UBXN11: variants seen among roughly 807,000 people sequenced by gnomAD.
UBXN11 encodes UBX domain-containing protein 11.
In UBXN11, 47 loss-of-function variants were observed where a neutral mutation model predicts 62.8. The ratio of observed to expected loss-of-function variants is 0.75; its 90% CI spans 0.59 to 0.95. The LOEUF is 0.95. Among genes scored for constraint, UBXN11 ranks in the 40% least tolerant of loss-of-function variants. UBXN11 has a pLI of 0.00. For synonymous variants in UBXN11, 294 were observed against 267.0 expected, an observed-to-expected ratio of 1.10 and a Z score of -0.99; for missense variants, 638 against 661.7, an observed-to-expected ratio of 0.96 and a Z score of 0.39.
intron 7 of UBXN11, among the ~76,000 whole-genome samples, chr1:26,295,498 G>A (rs142116912): frequency 6.4e-4 from 98 of 152,190 alleles, no homozygotes; most frequent in African/African-American, 2.0e-3. Context: ...AACCACGGGC[G>A]GCTCCAATGT....
chr1:26,304,336 GT>G (rs2124673198), intron 1 of UBXN11, among the ~76,000 whole-genome samples: 1 of 152,302 alleles, frequency 6.6e-6, no homozygotes, highest in East Asian at 1.9e-4. Context: ...AGCCTCACGG[GT>G]TGTATGGCCA....
chr1:26,289,608 A>T (rs2073210697), intron 8 of UBXN11, among the ~76,000 whole-genome samples: 1 of 152,134 alleles, frequency 6.6e-6, no homozygotes, highest in Non-Finnish European at 1.5e-5. Flanking sequence ...GGCCCTGCCC[A>T]TCATGGCGAT....
chr1:26,293,862 C>G (rs2073331425), intron 8 of UBXN11, among the ~76,000 whole-genome samples: 1 of 150,870 alleles, frequency 6.6e-6, no homozygotes, highest in Non-Finnish European at 1.5e-5. Context: ...AGAAGGATTG[C>G]CTTTTTTTAA....
chr1:26,307,023 C>G (rs551481322), upstream of UBXN11: 2 of 152,314 alleles, frequency 1.3e-5, no homozygotes, highest in East Asian at 3.9e-4. Flanking sequence ...TATTGTAACA[C>G]GAAGTACTGT....
Position 26,285,412 on chromosome 1 carries a change from C to A in UBXN11, c.852+52G>T, listed in dbSNP as rs763333577. On this transcript the variant is annotated intron_variant, in intron 10 of 14. Coordinates refer to ENST00000374222, the MANE Select transcript of UBXN11 (RefSeq NM_001389556.1). Reference sequence around the variant, plus strand: ...GGAGGTGTCTGGGGAGGCTGTGTATCCCCACTCCCTTCAAAATCCCCAAAG... The same window carrying A: ...GGAGGTGTCTGGGGAGGCTGTGTATACCCACTCCCTTCAAAATCCCCAAAG... The A allele has an allele frequency of 6.3e-6, 10 of 1,587,492 alleles. No individual in the cohort carries two copies. In the East Asian group the frequency reaches 2.3e-4, roughly 36 times the overall value.
intron 7 of UBXN11, 115 bp from the exon 8 acceptor site, chr1:26,294,446 G>A (rs2073347687): frequency 6.9e-7 from 1 of 1,456,636 alleles, no homozygotes; most frequent in African/African-American, 1.4e-5. Context: ...CCCCAGAGCT[G>A]ACCAGACAAA....
intron 8 of UBXN11, among the ~76,000 whole-genome samples, chr1:26,293,471 T>C (rs1234617192): frequency 6.6e-6 from 1 of 152,030 alleles, no homozygotes; most frequent in Non-Finnish European, 1.5e-5. Context: ...CTCACACCTG[T>C]AATCCCAGCA....
At chr1:26,302,598 G>T (rs1218693577) in intron 2 of UBXN11, among the ~76,000 whole-genome samples, 1 of 152,120 alleles carries the variant, frequency 6.6e-6, no homozygotes, top group Non-Finnish European at 1.5e-5. Flanking sequence ...CTCCTACAGG[G>T]CCCATACCTT....
At chr1:26,289,208 A>G (rs540745410) in intron 8 of UBXN11, among the ~76,000 whole-genome samples, 25 of 152,282 alleles carry the variant, frequency 1.6e-4, no homozygotes, top group Non-Finnish European at 2.9e-4. Flanking sequence ...CCTCTTCTGT[A>G]CAATGAGGAC....
chr1:26,297,624 C>T (rs2073425658), intron 5 of UBXN11, 143 bp from the exon 6 acceptor site: 3 of 1,040,652 alleles, frequency 2.9e-6, no homozygotes, highest in South Asian at 1.7e-5. Context: ...TTCTCCCGGA[C>T]CTCAGATAAC....
At chr1:26,304,310 C>G (rs748521095) in intron 1 of UBXN11, among the ~76,000 whole-genome samples, 3 of 152,200 alleles carry the variant, frequency 2.0e-5, no homozygotes, top group African/African-American at 7.2e-5. Flanking sequence ...TGCCCCAGCC[C>G]CTGCCCTGTC....
upstream of UBXN11, among the ~76,000 whole-genome samples, chr1:26,307,963 T>C (rs2073698263): frequency 6.6e-6 from 1 of 151,914 alleles, no homozygotes; most frequent in Admixed American, 6.6e-5. Context: ...TACCAGATGG[T>C]AACATGAAAT....
intron 5 of UBXN11, among the ~76,000 whole-genome samples, chr1:26,297,757 C>T (rs1474006695): frequency 6.6e-6 from 1 of 152,226 alleles, no homozygotes; most frequent in Non-Finnish European, 1.5e-5. Flanking sequence ...CTGGGTCCTG[C>T]TCAGCTGAGG....
chr1:26,318,026 C>T (rs2124684453), intron 1 of UBXN11: 1 of 1,614,160 alleles, frequency 6.2e-7, no homozygotes, highest in Non-Finnish European at 8.5e-7. Context: ...AAATGAAGCG[C>T]TTCCTCTTCC....
chr1:26,306,911 T>G (rs945551294), upstream of UBXN11: 2 of 144,848 alleles, frequency 1.4e-5, no homozygotes, highest in African/African-American at 5.1e-5. Flanking sequence ...GCTGGCAGCC[T>G]CACATTCAGG....
chr1:26,297,113 GC>G (rs1334962719), intron 6 of UBXN11, 118 bp from the exon 7 acceptor site: 5 of 1,214,068 alleles, frequency 4.1e-6, no homozygotes, highest in Non-Finnish European at 5.8e-6. Context: ...CTGCCTCTTG[GC>G]CCCCCACCTC....
chr1:26,285,861 C>T lies in UBXN11; in HGVS notation c.736G>A (p.Asp246Asn), dbSNP rs1437631876. The change falls in exon 9 of 15, where the codon GAC (aspartate) becomes AAC (asparagine). Residue 246 changes from aspartate to asparagine, a missense_variant. Transcript: ENST00000374222. ...KLYRNGIMMFDGPFQPFYDPS... is the reference protein window; with the variant it reads ...KLYRNGIMMFNGPFQPFYDPS... ...TCGTAGAAGGGCTGGAAGGGCCCGT[C>T]GAACATCATGATGCCATTCCGGTAG... 3.1e-6 allele frequency: 5 copies of T among 1,611,424 alleles called. No homozygotes were observed. Among genetic ancestry groups the T allele is most frequent in the South Asian group, 1.1e-5 (1 of 90,984 alleles).
At chr1:26,302,362 T>TAAAAAAAAAAAAA (rs56003085) in intron 2 of UBXN11, among the ~76,000 whole-genome samples, 1 of 69,562 alleles carries the variant, frequency 1.4e-5, no homozygotes, top group Non-Finnish European at 2.6e-5. Flanking sequence ...ACTTGGTCTT[T>TAAAAAAAAAAAAA]AAAAAAAAAA....
intron 1 of UBXN11, among the ~76,000 whole-genome samples, chr1:26,303,485 G>A (rs772448698): frequency 6.6e-6 from 1 of 151,968 alleles, no homozygotes; most frequent in African/African-American, 2.4e-5. Context: ...TTAGCTGGGC[G>A]TGGTGGCGTG....
Sources: allele counts gnomAD v4.1 joint callset (sites outside exome capture counted in the v4.1 genomes callset), GRCh38; gene constraint gnomAD v4.1.1; transcripts MANE v1.5; gene names NCBI Gene and HGNC (gene_info 2026-07-23, HGNC 2026-07-21).